Variants in SSH2 observed in about 807,000 individuals in gnomAD.
SSH2 encodes the protein protein phosphatase Slingshot homolog 2.
A neutral mutation model predicts 135.2 loss-of-function variants in SSH2; 37 were observed. The ratio of observed to expected loss-of-function variants is 0.27; its 90% CI spans 0.21 to 0.36. The LOEUF (loss-of-function observed/expected upper bound fraction) is 0.36. Ranked by LOEUF, SSH2 falls within the 10% of genes least tolerant of loss-of-function variation. The pLI is 1.00. For missense variants in SSH2, 1,408 were observed against 1,765.3 expected (o/e 0.80, Z 3.63); for synonymous variants, 628 against 646.2 (o/e 0.97, Z 0.43).
intron 2 of SSH2, among the ~76,000 whole-genome samples, chr17:29,834,805 T>C (rs944571100): frequency 1.3e-5 from 2 of 152,184 alleles, no homozygotes; most frequent in Non-Finnish European, 2.9e-5. Flanking sequence ...ATATTAATTA[T>C]ACAATTTCTC....
rs958356516 is a variant in SSH2, at chr17:29,890,760, T to A, written c.63+39178A>T. Among the ~76,000 whole-genome samples, 5 of 152,280 alleles carry A rather than the reference T, an allele frequency of 3.3e-5. No individual in the cohort carries two copies. The South Asian group carries it at 6.2e-4, about 19-fold the overall frequency. ...AAACCAATGTATTAACTGTATAGCA[T>A]TTGAATTATATTTCACTAAAGCTGT... is the stretch of plus-strand genomic sequence containing the variant. On this transcript the variant is annotated intron_variant, in intron 1 of 15. Coordinates refer to ENST00000540801, the MANE Select transcript of SSH2 (RefSeq NM_001282129.2).
chr17:29,845,280 A>G (rs2043112222), intron 2 of SSH2, among the ~76,000 whole-genome samples: 1 of 152,188 alleles, frequency 6.6e-6, no homozygotes, highest in Non-Finnish European at 1.5e-5. Flanking sequence ...GATTTCAATC[A>G]TTTTGCTCTG....
At chr17:29,674,177 A>G (rs1340962800) in intron 8 of SSH2, 2 of 456,556 alleles carry the variant, frequency 4.4e-6, no homozygotes, top group Admixed American at 4.7e-5. Flanking sequence ...ATGTAAATTA[A>G]GAAAACAAAT....
chr17:29,708,983 C>A, intron 3 of SSH2, among the ~76,000 whole-genome samples: 1 of 98,822 alleles, frequency 1.0e-5, no homozygotes, highest in South Asian at 3.8e-4. Context: ...AAAGTCATCC[C>A]TAGTTAAGAA....
chr17:29,709,357 C>A (rs1245426998), intron 3 of SSH2, among the ~76,000 whole-genome samples: 1 of 152,108 alleles, frequency 6.6e-6, no homozygotes, highest in African/African-American at 2.4e-5. Context: ...TACCTACACA[C>A]CTTTTCAACA....
At chr17:29,677,910 C>T (rs1033884616) in intron 6 of SSH2, among the ~76,000 whole-genome samples, 169 bp from the exon 7 acceptor site, 27 of 152,078 alleles carry the variant, frequency 1.8e-4, no homozygotes, top group African/African-American at 6.0e-4. Flanking sequence ...TGTATGTCCT[C>T]AGGAGCTGTT....
At chr17:29,714,867 TTTC>T (rs1485596296) in intron 3 of SSH2, among the ~76,000 whole-genome samples, 1 of 152,140 alleles carries the variant, frequency 6.6e-6, no homozygotes, top group African/African-American at 2.4e-5. Context: ...TCTTTCTTTT[TTTC>T]TTTTTTTGTT....
chr17:29,821,214 T>C (rs948063397), intron 2 of SSH2, among the ~76,000 whole-genome samples: 4 of 152,230 alleles, frequency 2.6e-5, no homozygotes, highest in Admixed American at 1.3e-4. Context: ...CTTTATCTTC[T>C]TCCTTGTATT....
chr17:29,859,640 T>C (rs2065725989), intron 1 of SSH2, among the ~76,000 whole-genome samples: 1 of 152,218 alleles, frequency 6.6e-6, no homozygotes, highest in Non-Finnish European at 1.5e-5. Context: ...TTTTTATGGC[T>C]GCATAGTATT....
chr17:29,854,292 A>AAAATTATTAGT (rs1177711222), intron 1 of SSH2, among the ~76,000 whole-genome samples: 1 of 151,918 alleles, frequency 6.6e-6, no homozygotes, highest in East Asian at 1.9e-4. Context: ...ATTAGTAGCT[A>AAAATTATTAGT]AGGTAAAACA....
chr17:29,715,545 TCC>T (rs1262849242), intron 3 of SSH2, among the ~76,000 whole-genome samples: 12 of 152,094 alleles, frequency 7.9e-5, no homozygotes, highest in Admixed American at 2.6e-4. Flanking sequence ...GCACCTAGCC[TCC>T]ATGTCCTATT....
intron 2 of SSH2, among the ~76,000 whole-genome samples, chr17:29,803,214 T>A (rs1446329830): frequency 6.6e-6 from 1 of 152,170 alleles, no homozygotes; most frequent in Non-Finnish European, 1.5e-5. Context: ...ATTTTATGGG[T>A]CAGAAATTCA....
intron 1 of SSH2, among the ~76,000 whole-genome samples, chr17:29,885,836 G>A (rs768865049): frequency 3.9e-5 from 6 of 152,096 alleles, no homozygotes; most frequent in Non-Finnish European, 8.8e-5. Flanking sequence ...CTTGCCTGCC[G>A]CCATGTAAGA....
chr17:29,863,411 T>C (rs2065799626), intron 1 of SSH2: 1 of 152,242 alleles, frequency 6.6e-6, no homozygotes, highest in South Asian at 2.1e-4. Context: ...TCATACATCT[T>C]AATACTGGTC....
intron 1 of SSH2, among the ~76,000 whole-genome samples, chr17:29,918,773 C>T (rs1171573110): frequency 2.0e-5 from 3 of 152,140 alleles, no homozygotes; most frequent in Admixed American, 1.3e-4. Context: ...CCTATCTCTA[C>T]TAAAAATACA....
intron 3 of SSH2, among the ~76,000 whole-genome samples, chr17:29,754,438 C>T (rs1238328467): frequency 6.6e-6 from 1 of 152,158 alleles, no homozygotes; most frequent in African/African-American, 2.4e-5. Flanking sequence ...TTTGGATGAA[C>T]ATCCAATATG....
At chr17:29,908,859 A>C (rs1303452684) in intron 1 of SSH2, among the ~76,000 whole-genome samples, 4 of 150,792 alleles carry the variant, frequency 2.7e-5, no homozygotes, top group Non-Finnish European at 4.4e-5. Flanking sequence ...CGGGTGGGTC[A>C]TGAGGTCAGG....
rs1186523685 is a variant in SSH2 at position 29,724,547 on chromosome 17, C to CAAA, written c.189-21488_189-21486dup. On this transcript the variant is annotated intron_variant, in intron 3 of 15. Transcript: ENST00000540801. ...CTGTCTCAAAAAAAAAAAAAAAAAACAAAACCCTATTCTAAGGACCCAGAT... is the reference window on the plus strand; with the variant it reads ...CTGTCTCAAAAAAAAAAAAAAAAAACAAAAAAACCCTATTCTAAGGACCCAGAT... Among the ~76,000 whole-genome samples, 3 of 104,144 alleles carry CAAA rather than the reference C, an allele frequency of 2.9e-5. No individual in the cohort carries two copies. The South Asian group carries it at 9.7e-4, about 34-fold the overall frequency. 68.3% of individuals were successfully genotyped at this position (104,144 alleles called of 152,430 possible).
intron 3 of SSH2, among the ~76,000 whole-genome samples, chr17:29,769,068 T>TA (rs1381820197): frequency 2.6e-5 from 4 of 151,892 alleles, no homozygotes; most frequent in Non-Finnish European, 4.4e-5. Context: ...TAAAAAATAA[T>TA]AAAAAAATAG....
Sources: gnomAD v4.1 joint callset for allele counts (sites outside exome capture counted in the v4.1 genomes callset) on GRCh38, gnomAD v4.1.1 for gene constraint, MANE v1.5 for transcripts, NCBI Gene and HGNC (gene_info 2026-07-23, HGNC 2026-07-21) for gene names.